The following GRB10 variants were observed in gnomAD, a reference collection of about 807,000 sequenced individuals.
The protein encoded by GRB10 is growth factor receptor-bound protein 10.
In GRB10, 20 loss-of-function variants were observed where a neutral mutation model predicts 80.9. That is an observed-to-expected ratio of 0.25 (90% confidence interval 0.17 to 0.36). GRB10 has a LOEUF of 0.36. GRB10 is among the 10% of genes least tolerant of loss of function. The pLI is 1.00. For missense variants in GRB10, 548 were observed against 747.7 expected (o/e 0.73, Z 3.12); for synonymous variants, 291 against 291.5 (o/e 1.00, Z 0.02).
At chr7:50,665,747 T>C (rs1033052029) in intron 7 of GRB10, among the ~76,000 whole-genome samples, 17 of 151,792 alleles carry the variant, frequency 1.1e-4, no homozygotes, top group Admixed American at 1.1e-3. Context: ...CTGGGCAGGG[T>C]GAGGAAGTTG....
rs139390099 is a variant in GRB10, at chr7:50,736,890, C to T, written c.-46-4522G>A. 4.7e-4 allele frequency among the ~76,000 whole-genome samples: 71 copies of T among 152,270 alleles called. 1 individual carries two copies. The East Asian group carries it at 0.013, about 28-fold the overall frequency. On this transcript the variant is annotated intron_variant, in intron 3 of 18. Coordinates refer to ENST00000401949, the MANE Select transcript of GRB10 (RefSeq NM_001350814.2). ...CTTACACCATAAGCAAAAAGCAACT[C>T]AAAATGTATGAAAGACCTAAACGTA... is the stretch of plus-strand genomic sequence containing the variant.
chr7:50,657,409 T>C (rs17546062), intron 7 of GRB10, among the ~76,000 whole-genome samples: 13,284 of 152,212 alleles, frequency 0.087, 886 homozygotes, highest in Non-Finnish European at 0.11. Flanking sequence ...GCAACACTGC[T>C]TCTCATTCCC....
At chr7:50,604,550 C>T (rs2048187150) in intron 15 of GRB10, among the ~76,000 whole-genome samples, 173 bp from the exon 16 acceptor site, 1 of 152,156 alleles carries the variant, frequency 6.6e-6, no homozygotes, top group Admixed American at 6.5e-5. Flanking sequence ...TCAGGGTTCC[C>T]AGTTGTTAAG....
intron 5 of GRB10, among the ~76,000 whole-genome samples, chr7:50,683,338 C>G (rs942543054): frequency 1.3e-5 from 2 of 152,128 alleles, no homozygotes; most frequent in African/African-American, 4.8e-5. Flanking sequence ...TTGATGGGTA[C>G]AGAGTTTCAT....
At chr7:50,740,549 A>T (rs1386677669) in intron 3 of GRB10, among the ~76,000 whole-genome samples, 2 of 152,238 alleles carry the variant, frequency 1.3e-5, no homozygotes, top group African/African-American at 4.8e-5. Context: ...TACCTTCCAT[A>T]AAAGCCAGAA....
chr7:50,695,315 C>T (rs984769615), intron 5 of GRB10, among the ~76,000 whole-genome samples: 3 of 152,100 alleles, frequency 2.0e-5, no homozygotes, highest in African/African-American at 7.2e-5. Context: ...AGCAAAACAC[C>T]CTATCTCTTG....
At chr7:50,663,745 T>C (rs1336486745) in intron 7 of GRB10, among the ~76,000 whole-genome samples, 1 of 152,208 alleles carries the variant, frequency 6.6e-6, no homozygotes, top group African/African-American at 2.4e-5. Context: ...TAATCCTTTT[T>C]AGATTCGGGC....
chr7:50,639,500 C>T (rs901131477), intron 7 of GRB10, among the ~76,000 whole-genome samples: 5 of 151,554 alleles, frequency 3.3e-5, no homozygotes, highest in African/African-American at 1.2e-4. Context: ...ACGGTGAAAC[C>T]GTCTCTACTA....
At position 50,782,135 on chromosome 7, in the gene GRB10, T is replaced by C. The variant is rs2078350022; in HGVS notation, c.-327+289A>G. On this transcript the variant is annotated intron_variant, in intron 1 of 18. Transcript: ENST00000401949. This position sits in a 1 kb window ranked among gnomAD's most constrained non-coding sequence, Gnocchi z 6.6. ...CTCGAATCGTCGTCACGGGTTTCCG[T>C]GGGTACAGTTATTACTCGTTACATA... Among the ~76,000 whole-genome samples, 1 of 152,206 alleles carries C rather than the reference T, an allele frequency of 6.6e-6. No homozygotes were observed. Among genetic ancestry groups the C allele is most frequent in the South Asian group, 2.1e-4 (1 of 4,836 alleles).
rs539712614 is a variant in GRB10, at chr7:50,591,169, T to C, written c.*1783A>G. 5 of 152,332 alleles carry C rather than the reference T, an allele frequency of 3.3e-5. No individual in the cohort carries two copies. The East Asian group carries it at 7.7e-4, about 23-fold the overall frequency. 9.4% of individuals were successfully genotyped at this position (152,332 alleles called of 1,614,324 possible). On this transcript the variant is annotated 3_prime_UTR_variant, in exon 19 of 19. Transcript: ENST00000401949. ...CTGACTGGCTGCGAAAGGAAGAAAATGCAATTGAGCACTGATGGTTAAAAA... is the reference window on the plus strand; with the variant it reads ...CTGACTGGCTGCGAAAGGAAGAAAACGCAATTGAGCACTGATGGTTAAAAA...
intron 12 of GRB10, among the ~76,000 whole-genome samples, chr7:50,613,428 C>T (rs1007071471): frequency 3.9e-5 from 6 of 152,104 alleles, no homozygotes; most frequent in African/African-American, 9.7e-5. Flanking sequence ...AAGTAGGCAC[C>T]ATGGGGAGAA....
intron 4 of GRB10, chr7:50,727,054 T>G (rs922776968): frequency 6.6e-6 from 1 of 152,184 alleles, no homozygotes; most frequent in African/African-American, 2.4e-5. Context: ...CAGCATATAG[T>G]AAAAACCTCA....
intron 6 of GRB10, among the ~76,000 whole-genome samples, chr7:50,671,842 C>T (rs984855593): frequency 3.3e-5 from 5 of 152,212 alleles, no homozygotes; most frequent in South Asian, 2.1e-4. Context: ...TCAGAGACAT[C>T]GCCTAAGGCA....
chr7:50,595,601 T>TAACA, intron 17 of GRB10, 71 bp from the exon 18 acceptor site: 7 of 556,350 alleles, frequency 1.3e-5, no homozygotes, highest in Non-Finnish European at 2.2e-5. Context: ...ACACACTCTC[T>TAACA]TACACACACA....
intron 7 of GRB10, among the ~76,000 whole-genome samples, chr7:50,648,416 G>A (rs1178971535): frequency 6.6e-6 from 1 of 152,196 alleles, no homozygotes; most frequent in South Asian, 2.1e-4. Flanking sequence ...TTTTAAAAAG[G>A]TTTAAAAAGG....
intron 13 of GRB10, 34 bp from the exon 14 acceptor site, chr7:50,606,448 C>T (rs898192322): frequency 1.2e-5 from 18 of 1,548,858 alleles, no homozygotes; most frequent in Middle Eastern, 1.7e-4. Context: ...GTCACCGGCC[C>T]GGGAGCCCCG....
chr7:50,723,157 T>C (rs2068023619), intron 4 of GRB10, among the ~76,000 whole-genome samples: 1 of 152,190 alleles, frequency 6.6e-6, no homozygotes, highest in African/African-American at 2.4e-5. Context: ...CAATACCAAG[T>C]AGCTTTTTTT....
In GRB10 at chr7:50,627,892, G is replaced by A. The variant is rs576767497; in HGVS notation, c.505-914C>T. On this transcript the variant is annotated intron_variant, in intron 7 of 18. Transcript: ENST00000401949. Reference sequence around the variant, plus strand: ...GCTGTGTGGAGCCTGCGTGTGCCCTGGGGGGCAGGCTGTCTCCGGGCAGCA... The same window carrying A: ...GCTGTGTGGAGCCTGCGTGTGCCCTAGGGGGCAGGCTGTCTCCGGGCAGCA... Among the ~76,000 whole-genome samples the A allele has an allele frequency of 2.0e-5, 3 of 152,288 alleles. No individual in the cohort carries two copies. In the East Asian group the frequency reaches 5.8e-4, roughly 29 times the overall value.
At chr7:50,654,632 T>G (rs970114922) in intron 7 of GRB10, among the ~76,000 whole-genome samples, 1 of 152,248 alleles carries the variant, frequency 6.6e-6, no homozygotes. Flanking sequence ...TTGAAATAAT[T>G]TGTTTAGCAT....
Sources: gnomAD v4.1 joint callset for allele counts (sites outside exome capture counted in the v4.1 genomes callset) on GRCh38, gnomAD v4.1.1 for gene constraint, Gnocchi (gnomAD v3.1) non-coding constraint, MANE v1.5 for transcripts, NCBI Gene and HGNC (gene_info 2026-07-23, HGNC 2026-07-21) for gene names.